The following CRYBB2 variants were observed in gnomAD, a reference collection of about 807,000 sequenced individuals.
CRYBB2 encodes the protein crystallin beta B2.
A neutral mutation model predicts 24.3 loss-of-function variants in CRYBB2; 12 were observed. The observed-to-expected ratio is 0.49, with a 90% CI of 0.32 to 0.80. CRYBB2 has a LOEUF of 0.80. CRYBB2 is among the 30% of genes least tolerant of loss of function. The pLI is 0.04. For missense variants in CRYBB2, 198 were observed against 268.5 expected (o/e 0.74, Z 1.83); for synonymous variants, 98 against 101.6 (o/e 0.96, Z 0.21).
chr22:25,212,107 T>G (rs938363243), upstream of CRYBB2, among the ~76,000 whole-genome samples: 2 of 152,216 alleles, frequency 1.3e-5, no homozygotes, highest in Non-Finnish European at 2.9e-5. Context: ...GGACGTGCAA[T>G]ATGAGTGTTC....
chr22:25,218,547 T>C (rs1426934047), upstream of CRYBB2, among the ~76,000 whole-genome samples: 1 of 150,860 alleles, frequency 6.6e-6, no homozygotes, highest in Non-Finnish European at 1.5e-5. Context: ...ACACCTGTAG[T>C]CCCAGCTACT....
chr22:25,230,676 T>C (rs1935515392), intron 5 of CRYBB2, among the ~76,000 whole-genome samples: 1 of 119,250 alleles, frequency 8.4e-6, no homozygotes, highest in Non-Finnish European at 1.6e-5. Context: ...CTATTCCCCT[T>C]CATTCCCTCA....
chr22:25,227,746 G>A (rs1272866653), intron 3 of CRYBB2, 107 bp from the exon 4 acceptor site: 1 of 1,586,404 alleles, frequency 6.3e-7, no homozygotes, highest in African/African-American at 1.3e-5. Flanking sequence ...CATCTTGCCG[G>A]GCTGGGCAAG....
intron 4 of CRYBB2, among the ~76,000 whole-genome samples, chr22:25,228,954 G>C (rs1210431099): frequency 6.6e-6 from 1 of 151,794 alleles, no homozygotes; most frequent in Non-Finnish European, 1.5e-5. Flanking sequence ...GCGCGCAAGT[G>C]TGTGCGTGTG....
In CRYBB2 at chr22:25,228,725, C is replaced by T. The variant is rs1935468117; in HGVS notation, c.307-711C>T. Among the ~76,000 whole-genome samples, 4 of 152,234 alleles carry T rather than the reference C, an allele frequency of 2.6e-5. No individual in the cohort carries two copies. In the South Asian group the frequency reaches 6.2e-4, roughly 24 times the overall value. ...CACGTCATTTGACCTCTCTGTGCCG[C>T]GCTTTCCTCATCTGCTAAATGGCAT... On this transcript the variant is annotated intron_variant, in intron 4 of 5. Transcript: ENST00000398215.
chr22:25,230,916 G>A (rs1031233252), intron 5 of CRYBB2, among the ~76,000 whole-genome samples: 4 of 152,212 alleles, frequency 2.6e-5, no homozygotes, highest in Admixed American at 2.0e-4. Flanking sequence ...GGGGTAAAGA[G>A]GCCAAGGAAG....
upstream of CRYBB2, among the ~76,000 whole-genome samples, chr22:25,218,690 A>AAG (rs752243949): frequency 1.3e-5 from 1 of 78,586 alleles, no homozygotes; most frequent in Non-Finnish European, 2.3e-5. Flanking sequence ...GAAAGAAAGA[A>AAG]AGAGAGAGAG....
At chr22:25,229,050 GGTGTGCGT>G (rs143898777) in intron 4 of CRYBB2, among the ~76,000 whole-genome samples, 25,996 of 146,716 alleles carry the variant, frequency 0.18, 2,326 homozygotes, top group African/African-American at 0.24. Flanking sequence ...GTGCAAGTGT[GGTGTGCGT>G]GTGTGCATGT....
upstream of CRYBB2, among the ~76,000 whole-genome samples, chr22:25,218,759 G>A (rs1221442506): frequency 1.4e-3 from 54 of 39,972 alleles, 1 homozygote; most frequent in African/African-American, 2.0e-3. Flanking sequence ...GAGAGAGAGA[G>A]AGAGAGAGAG....
rs577411288 is a variant in CRYBB2, at chr22:25,221,126, AC to A, written c.-26-275del. ...CATTGTCTGGGGTTGAGTGTTGGGA[AC>A]CCACTTTGGACCTCATTTAAGCTCT... On this transcript the variant is annotated intron_variant, in intron 1 of 5. Coordinates refer to ENST00000398215, the MANE Select transcript of CRYBB2 (RefSeq NM_000496.3). Among the ~76,000 whole-genome samples, 16 of 152,286 alleles carry A rather than the reference AC, an allele frequency of 1.1e-4. No individual in the cohort carries two copies. In the South Asian group the frequency reaches 3.3e-3, roughly 32 times the overall value.
intron 3 of CRYBB2, among the ~76,000 whole-genome samples, chr22:25,225,679 A>T (rs917986410): frequency 6.6e-6 from 1 of 152,210 alleles, no homozygotes; most frequent in African/African-American, 2.4e-5. Flanking sequence ...TCTCTGTAAA[A>T]GCCTCAGGAT....
intron 4 of CRYBB2, among the ~76,000 whole-genome samples, chr22:25,228,831 A>G (rs1454593775): frequency 6.6e-6 from 1 of 152,284 alleles, no homozygotes; most frequent in Non-Finnish European, 1.5e-5. Flanking sequence ...TCATAGGGAC[A>G]GGAGGATGGG....
Position 25,231,672 on chromosome 22 carries a change from A to G in CRYBB2, c.518A>G (p.Asp173Gly). 1 of 1,614,130 alleles carries G rather than the reference A, an allele frequency of 6.2e-7. No individual in the cohort carries two copies. Among genetic ancestry groups the G allele is most frequent in the Non-Finnish European group, 8.5e-7 (1 of 1,180,020 alleles). ...CTGCTGGAGAAGGGAGACTACAAGG[A>G]CAGCAGCGACTTTGGGGCCCCTCAC... Reference protein sequence around the residue: ...QYLLEKGDYKDSSDFGAPHPQ... With the variant: ...QYLLEKGDYKGSSDFGAPHPQ... Residue 173 changes from aspartate (D) to glycine (G), a missense_variant, in exon 6 of 6, where the codon GAC becomes GGC. Coordinates refer to ENST00000398215, the MANE Select transcript of CRYBB2 (RefSeq NM_000496.3).
chr22:25,216,884 T>C (rs1935176786), upstream of CRYBB2, among the ~76,000 whole-genome samples: 1 of 152,202 alleles, frequency 6.6e-6, no homozygotes, highest in Non-Finnish European at 1.5e-5. Flanking sequence ...ACAATATTTG[T>C]CCTTTTGTGT....
chr22:25,214,588 T>C (rs532341781), intron 1 of CRYBB2, among the ~76,000 whole-genome samples: 59 of 152,338 alleles, frequency 3.9e-4, no homozygotes, highest in African/African-American at 1.4e-3. Flanking sequence ...TCCACACAGA[T>C]GTAATAATAA....
chr22:25,218,115 C>T (rs529583391), upstream of CRYBB2, among the ~76,000 whole-genome samples: 14 of 150,852 alleles, frequency 9.3e-5, no homozygotes, highest in Admixed American at 2.6e-4. Flanking sequence ...AAAAATTAGC[C>T]GGGCGTGTTG....
At chr22:25,220,973 T>C (rs1935309624) in intron 1 of CRYBB2, among the ~76,000 whole-genome samples, 1 of 152,174 alleles carries the variant, frequency 6.6e-6, no homozygotes, top group African/African-American at 2.4e-5. Context: ...GTTCCTAAAC[T>C]GGGCACCACC....
At chr22:25,225,179 T>C (rs1935390553) in intron 3 of CRYBB2, 143 bp downstream of exon 3, 1 of 721,494 alleles carries the variant, frequency 1.4e-6, no homozygotes, top group Admixed American at 2.0e-5. Flanking sequence ...TAATTCATGC[T>C]TTGCAGTCAG....
intron 1 of CRYBB2, among the ~76,000 whole-genome samples, chr22:25,220,871 G>A (rs1368582792): frequency 6.6e-6 from 1 of 152,168 alleles, no homozygotes; most frequent in Non-Finnish European, 1.5e-5. Context: ...AGTAAAACCA[G>A]TGGCAGAGAA....
Sources: allele counts gnomAD v4.1 joint callset (sites outside exome capture counted in the v4.1 genomes callset), GRCh38; gene constraint gnomAD v4.1.1; transcripts MANE v1.5; gene names NCBI Gene and HGNC (gene_info 2026-07-23, HGNC 2026-07-21).